EPCIP: variants seen among roughly 807,000 people sequenced by gnomAD.
EPCIP encodes the protein exosomal polycystin 1 interacting protein, also known as exosomal polycystin-1-interacting protein.
the EPCIP span, among the ~76,000 whole-genome samples, chr21:32,799,290 C>G: frequency 6.6e-6 from 1 of 152,214 alleles, no homozygotes; most frequent in African/African-American, 2.4e-5. Context: ...AAAATGCCCT[C>G]TAAGAGTGCA....
the EPCIP span, among the ~76,000 whole-genome samples, chr21:32,792,084 A>G: frequency 6.6e-6 from 1 of 151,958 alleles, no homozygotes; most frequent in South Asian, 2.1e-4. Context: ...TTGTATTTTT[A>G]GTAGAGACAG....
At chr21:32,791,700 A>G in the EPCIP span, among the ~76,000 whole-genome samples, 10 of 152,092 alleles carry the variant, frequency 6.6e-5, no homozygotes, top group South Asian at 2.1e-3. Flanking sequence ...TAGAAATTGC[A>G]GATTATTTCA....
At chr21:32,809,284 CTTTCTTTCTTTCTTT>C in the EPCIP span, among the ~76,000 whole-genome samples, 9 of 107,614 alleles carry the variant, frequency 8.4e-5, no homozygotes, top group South Asian at 6.8e-4. Context: ...TCCTTCCTTT[CTTTCTTTCTTTCTTT>C]CTTTCTTTCT....
At chr21:32,810,312 G>GTGGTGTGA in the EPCIP span, among the ~76,000 whole-genome samples, 1 of 142,732 alleles carries the variant, frequency 7.0e-6, no homozygotes, top group African/African-American at 2.7e-5. Flanking sequence ...CTGGAGTGCA[G>GTGGTGTGA]TGGTGTGATC....
the EPCIP span, chr21:32,794,434 T>G: frequency 6.2e-7 from 1 of 1,602,152 alleles, no homozygotes; most frequent in African/African-American, 1.3e-5. Context: ...TTGCCCAGCA[T>G]GGGCCAGCGT....
chr21:32,800,909 G>A, the EPCIP span, among the ~76,000 whole-genome samples: 1 of 152,084 alleles, frequency 6.6e-6, no homozygotes, highest in Non-Finnish European at 1.5e-5. Context: ...TGTCATGGTT[G>A]CATCAAGCTA....
chr21:32,810,062 C>T, the EPCIP span, among the ~76,000 whole-genome samples: 1 of 152,050 alleles, frequency 6.6e-6, no homozygotes, highest in Non-Finnish European at 1.5e-5. Context: ...CCACCACCCC[C>T]ATACCAAATC....
At chr21:32,792,917 T>TTA in the EPCIP span, among the ~76,000 whole-genome samples, 6 of 148,958 alleles carry the variant, frequency 4.0e-5, no homozygotes, top group African/African-American at 9.8e-5. Context: ...TTATTATTAT[T>TTA]TTTTTTTTTT....
chr21:32,809,279 CCTTTCTTTCTTTCTTTCTTTCTTTCTTT>C, the EPCIP span, among the ~76,000 whole-genome samples: 35 of 80,066 alleles, frequency 4.4e-4, no homozygotes, highest in Admixed American at 1.1e-3. Flanking sequence ...CTCCCTCCTT[CCTTTCTTTCTTTCTTTCTTTCTTTCTTT>C]CTTTCTTTCT....
the EPCIP span, among the ~76,000 whole-genome samples, chr21:32,804,496 G>C: frequency 1.3e-5 from 2 of 151,542 alleles, no homozygotes; most frequent in Non-Finnish European, 2.9e-5. Flanking sequence ...GTACTCATAG[G>C]CATGCTACAA....
chr21:32,792,850 A>C, the EPCIP span, among the ~76,000 whole-genome samples: 3 of 152,076 alleles, frequency 2.0e-5, no homozygotes, highest in Non-Finnish European at 4.4e-5. Context: ...TTCTTGGTGC[A>C]TCTATTCTTA....
At chr21:32,805,280 G>C in the EPCIP span, among the ~76,000 whole-genome samples, 1 of 152,210 alleles carries the variant, frequency 6.6e-6, no homozygotes, top group East Asian at 1.9e-4. Context: ...AGCCTGGTCA[G>C]ACTGGTTTTG....
chr21:32,795,931 CCCTT>C, the EPCIP span, among the ~76,000 whole-genome samples: 19 of 151,612 alleles, frequency 1.3e-4, no homozygotes, highest in South Asian at 2.1e-4. Context: ...ATTCATCCCT[CCCTT>C]CCTTCCTTCC....
At chr21:32,809,096 G>T in the EPCIP span, among the ~76,000 whole-genome samples, 1 of 151,566 alleles carries the variant, frequency 6.6e-6, no homozygotes, top group African/African-American at 2.4e-5. Context: ...AGATGGAAAT[G>T]CGAAGTAATC....
At chr21:32,812,727 A>G in the EPCIP span, among the ~76,000 whole-genome samples, 1 of 152,142 alleles carries the variant, frequency 6.6e-6, no homozygotes, top group African/African-American at 2.4e-5. Flanking sequence ...GGTTTTTTAT[A>G]AATATTATGC....
the EPCIP span, chr21:32,793,753 G>C: frequency 6.4e-5 from 103 of 1,612,830 alleles, no homozygotes; most frequent in East Asian, 2.1e-3. Context: ...GCTGGACACA[G>C]TTATTATGCT....
At chr21:32,806,834 T>C in the EPCIP span, among the ~76,000 whole-genome samples, 1 of 152,162 alleles carries the variant, frequency 6.6e-6, no homozygotes, top group African/African-American at 2.4e-5. Context: ...ATTTTCATGC[T>C]GCTGATAAAG....
chr21:32,809,265 T>TTCCCTCCCTCCC, the EPCIP span, among the ~76,000 whole-genome samples: 2 of 56,678 alleles, frequency 3.5e-5, no homozygotes, highest in African/African-American at 5.0e-5. Context: ...CTTTTCTTTC[T>TTCCCTCCCTCCC]TCCCTCCCTC....
chr21:32,805,886 C>CA, the EPCIP span, among the ~76,000 whole-genome samples: 402 of 152,254 alleles, frequency 2.6e-3, 2 homozygotes, highest in Non-Finnish European at 4.5e-3. Flanking sequence ...AGAATAGTCA[C>CA]ACTATGTTGG....
Sources: allele counts gnomAD v4.1 joint callset (sites outside exome capture counted in the v4.1 genomes callset), GRCh38; gene constraint gnomAD v4.1.1; transcripts MANE v1.5; gene names NCBI Gene and HGNC (gene_info 2026-07-23, HGNC 2026-07-21).